Variants in MYO7B observed in about 807,000 individuals in gnomAD.
MYO7B encodes myosin VIIB.
In MYO7B, 212 loss-of-function variants were observed where a neutral mutation model predicts 259.7. That is an observed-to-expected ratio of 0.82 (90% CI 0.73 to 0.91). The LOEUF (loss-of-function observed/expected upper bound fraction) is 0.91, where lower values mean the gene tolerates loss of function less well. Among genes scored for constraint, MYO7B ranks in the 40% least tolerant of loss-of-function variants. The pLI is 0.00. For synonymous variants in MYO7B, 1,197 were observed against 1,166.4 expected (o/e 1.03, Z -0.54); for missense variants, 2,732 against 2,813.5 (o/e 0.97, Z 0.66).
chr2:127,591,780 A>C (rs898344136), intron 16 of MYO7B, among the ~76,000 whole-genome samples: 5 of 152,130 alleles, frequency 3.3e-5, no homozygotes, highest in African/African-American at 1.2e-4. Flanking sequence ...AAGCCATGGC[A>C]GAGTCTTGGA....
At chr2:127,635,326 C>T in intron 43 of MYO7B, 100 bp downstream of exon 43, 1 of 1,161,766 alleles carries the variant, frequency 8.6e-7, no homozygotes, top group Non-Finnish European at 1.2e-6. Flanking sequence ...GGGCCAGCCT[C>T]AGCCCTGGGT....
chr2:127,555,027 C>A (rs1388839621), intron 1 of MYO7B, among the ~76,000 whole-genome samples: 1 of 151,642 alleles, frequency 6.6e-6, no homozygotes, highest in Non-Finnish European at 1.5e-5. Flanking sequence ...CAGCTCACTG[C>A]AACCTCTGCC....
intron 2 of MYO7B, among the ~76,000 whole-genome samples, chr2:127,563,133 G>C (rs77454106): frequency 0.031 from 4,757 of 152,126 alleles, 89 homozygotes; most frequent in Non-Finnish European, 0.051. Flanking sequence ...TAATTCCTGG[G>C]CTCTTTTGCC....
rs1019268325 is a variant in MYO7B at position 127,611,571 on chromosome 2, C to T, written c.3193-679C>T. Among the ~76,000 whole-genome samples, 1 of 152,212 alleles carries T rather than the reference C, an allele frequency of 6.6e-6. No homozygotes were observed. The highest frequency in any genetic ancestry group is 2.4e-5 in the African/African-American group (1 of 41,464). ...CTTTGCCAGCTCATGTGTTTCATGG[C>T]CAGCCCCTGCACGGTAAACCAGCTT... On this transcript the variant is annotated intron_variant, in intron 24 of 47. Transcript: ENST00000409816. The surrounding 1 kb of genome is among the most constrained non-coding windows in gnomAD (Gnocchi z 5.4).
At chr2:127,558,387 C>T (rs927939719) in intron 1 of MYO7B, among the ~76,000 whole-genome samples, 1 of 152,188 alleles carries the variant, frequency 6.6e-6, no homozygotes, top group Admixed American at 6.5e-5. Context: ...AATGCTTCTA[C>T]ACTGCTGGTG....
rs369249057 is a variant in MYO7B at position 127,605,867 on chromosome 2, G to A, written c.2363G>A (p.Arg788Gln). ...AGGAAGGAGTTCCTGAGGCAGAGGC[G>A]GGCAGCTGTGACCCTGCAGGCCTGG... is the stretch of plus-strand genomic sequence containing the variant. ...RYRKEFLRQRRAAVTLQAWWR... is the reference protein window; with the variant it reads ...RYRKEFLRQRQAAVTLQAWWR... The change falls in exon 20 of 48, where the codon CGG (arginine) becomes CAG (glutamine). Residue 788 changes from arginine to glutamine, a missense_variant. Arg to Gln is a conservative substitution (Grantham distance 43). Around this residue, in one of 3 missense-constraint regions of MYO7B, gnomAD observed 1,906 missense variants for 2,026.4 expected, o/e 0.94. Coordinates refer to ENST00000409816, the MANE Select transcript of MYO7B (RefSeq NM_001393586.1). The A allele has an allele frequency of 9.3e-6, 15 of 1,613,646 alleles. 1 individual carries two copies. The highest frequency in any genetic ancestry group is 8.0e-5 in the African/African-American group (6 of 74,920).
In MYO7B at chr2:127,569,156, C is replaced by T. The variant is rs565149368; in HGVS notation, c.471-633C>T. On this transcript the variant is annotated intron_variant, in intron 5 of 47. Coordinates refer to ENST00000409816, the MANE Select transcript of MYO7B (RefSeq NM_001393586.1). ...CCAGGAGGTGGAGGTTGCAGTGAGC[C>T]GAAATCATGCCACTGTACTCCAGCC... 4.4e-5 allele frequency among the ~76,000 whole-genome samples: 6 copies of T among 135,650 alleles called. No individual in the cohort carries two copies. The South Asian group carries it at 9.1e-4, about 21-fold the overall frequency. 89.0% of individuals were successfully genotyped at this position (135,650 alleles called of 152,430 possible).
At chr2:127,581,359 C>T (rs895109693) in intron 10 of MYO7B, among the ~76,000 whole-genome samples, 9 of 152,230 alleles carry the variant, frequency 5.9e-5, no homozygotes. Context: ...GGGGACATGG[C>T]AGCACCCCAC....
intron 1 of MYO7B, among the ~76,000 whole-genome samples, chr2:127,551,575 C>G (rs940408964): frequency 6.6e-6 from 1 of 152,218 alleles, no homozygotes; most frequent in African/African-American, 2.4e-5. Context: ...GAATTAGTCT[C>G]TCTTTTGAAG....
At position 127,628,808 on chromosome 2, in the gene MYO7B, G is replaced by A. The variant is rs1164892960; in HGVS notation, c.4624+273G>A. 6.6e-6 allele frequency among the ~76,000 whole-genome samples: 1 copy of A among 152,246 alleles called. No individual in the cohort carries two copies. Among genetic ancestry groups the A allele is most frequent in the Non-Finnish European group, 1.5e-5 (1 of 68,042 alleles). On this transcript the variant is annotated intron_variant, in intron 34 of 47. Coordinates refer to ENST00000409816, the MANE Select transcript of MYO7B (RefSeq NM_001393586.1). This position sits in a 1 kb window ranked among gnomAD's most constrained non-coding sequence, Gnocchi z 4.8. ...AGCGCTGCACTGCTGCAGAAGCACT[G>A]AGAAAGGCCAGCCCCCAGCCCAGGG...
chr2:127,635,574 TC>T, intron 43 of MYO7B, 147 bp from the exon 44 acceptor site: 2 of 855,766 alleles, frequency 2.3e-6, no homozygotes, highest in Admixed American at 5.6e-5. Context: ...TCAGGGTCAT[TC>T]CCCTGGCCTG....
intron 6 of MYO7B, among the ~76,000 whole-genome samples, chr2:127,572,132 C>T (rs955561250): frequency 4.6e-5 from 7 of 152,130 alleles, no homozygotes; most frequent in Non-Finnish European, 1.0e-4. Context: ...GAAAAAAAGA[C>T]TTTTGGCTGG....
rs774748655 is a variant in MYO7B, at chr2:127,628,436, C to T, written c.4525C>T (p.Pro1509Ser). ...GCATGAGGAGTACGAGTTTGTGTCACCCAGCAGTGTGGCCATCGCTGAGCT... is the reference window on the plus strand; with the variant it reads ...GCATGAGGAGTACGAGTTTGTGTCATCCAGCAGTGTGGCCATCGCTGAGCT... ...TMHEEYEFVS[P>S]SSVAIAELVA... Residue 1509 changes from proline to serine, a missense_variant, in exon 34 of 48, where the codon CCC (proline) becomes TCC (serine). Pro to Ser is a moderately conservative substitution (Grantham distance 74, BLOSUM62 -1). This residue lies in a region of MYO7B where 1,906 missense variants were observed against 2,026.4 expected (regional missense o/e 0.94). Coordinates refer to ENST00000409816, the MANE Select transcript of MYO7B (RefSeq NM_001393586.1). The surrounding 1 kb of genome is among the most constrained non-coding windows in gnomAD (Gnocchi z 4.8). 2.9e-5 allele frequency: 47 copies of T among 1,593,768 alleles called. No individual in the cohort carries two copies. Among genetic ancestry groups the T allele is most frequent in the Non-Finnish European group, 4.0e-5 (47 of 1,171,788 alleles).
chr2:127,631,167 GC>G, intron 36 of MYO7B, 38 bp from the exon 37 acceptor site: 1 of 1,545,264 alleles, frequency 6.5e-7, no homozygotes. Context: ...GACAGAGAAG[GC>G]CACAGGGCAG....
In MYO7B at chr2:127,609,126, C is replaced by T. The variant is rs1680275994; in HGVS notation, c.2814+248C>T. Among the ~76,000 whole-genome samples the T allele has an allele frequency of 6.6e-6, 1 of 152,232 alleles. No individual in the cohort carries two copies. Among genetic ancestry groups the T allele is most frequent in the Non-Finnish European group, 1.5e-5 (1 of 68,030 alleles). On this transcript the variant is annotated intron_variant, in intron 22 of 47. Coordinates refer to ENST00000409816, the MANE Select transcript of MYO7B (RefSeq NM_001393586.1). The surrounding 1 kb of genome is among the most constrained non-coding windows in gnomAD (Gnocchi z 6.9). Reference sequence around the variant, plus strand: ...TTCTCTACCAATGCTGCCGGGCTCTCCATCACATGGCATTCCCCGCGTATA... The same window carrying T: ...TTCTCTACCAATGCTGCCGGGCTCTTCATCACATGGCATTCCCCGCGTATA...
intron 1 of MYO7B, among the ~76,000 whole-genome samples, chr2:127,556,100 T>C (rs1693625139): frequency 6.6e-6 from 1 of 152,240 alleles, no homozygotes; most frequent in African/African-American, 2.4e-5. Flanking sequence ...CATGTATATT[T>C]AGGATTGTGA....
rs1156401687 is a variant in MYO7B, at chr2:127,584,940, C to T, written c.1690+27C>T. Reference sequence around the variant, plus strand: ...TGGGTGCAGCTCTCCTCTCATGTCCCTTCCAAATCTGGACCGGGTTCCAGG... The same window carrying T: ...TGGGTGCAGCTCTCCTCTCATGTCCTTTCCAAATCTGGACCGGGTTCCAGG... On this transcript the variant is annotated intron_variant, in intron 14 of 47. Coordinates refer to ENST00000409816, the MANE Select transcript of MYO7B (RefSeq NM_001393586.1). This position sits in a 1 kb window ranked among gnomAD's most constrained non-coding sequence, Gnocchi z 5.8. 6.2e-7 allele frequency: 1 copy of T among 1,611,824 alleles called. No individual in the cohort carries two copies. The highest frequency in any genetic ancestry group is 1.3e-5 in the African/African-American group (1 of 74,896).
At chr2:127,582,275 A>G in intron 11 of MYO7B, 29 bp from the exon 12 acceptor site, 1 of 1,610,498 alleles carries the variant, frequency 6.2e-7, no homozygotes, top group Non-Finnish European at 8.5e-7. Context: ...CTCCAAGCCC[A>G]GGATTCTCCC....
chr2:127,620,638 C>T (rs1334910157), intron 27 of MYO7B, among the ~76,000 whole-genome samples, 172 bp downstream of exon 27: 1 of 152,252 alleles, frequency 6.6e-6, no homozygotes, highest in South Asian at 2.1e-4. Flanking sequence ...GTTTCCCCAT[C>T]TGGAAAAGAG....
Sources: gnomAD v4.1 joint callset for allele counts (sites outside exome capture counted in the v4.1 genomes callset) on GRCh38, gnomAD v4.1.1 for gene constraint, gnomAD v4.1.1 regional missense constraint, Gnocchi (gnomAD v3.1) non-coding constraint, MANE v1.5 for transcripts, NCBI Gene and HGNC (gene_info 2026-07-23, HGNC 2026-07-21) for gene names.